Variants in C13orf46 observed in about 807,000 individuals in gnomAD.
The protein encoded by C13orf46 is chromosome 13 open reading frame 46.
chr13:113,969,711 G>A (rs975445440), intron 2 of C13orf46, among the ~76,000 whole-genome samples: 4 of 152,204 alleles, frequency 2.6e-5, no homozygotes, highest in Admixed American at 2.0e-4. Flanking sequence ...AGAACGGGAC[G>A]CGAGGTGCAG....
chr13:113,961,489 T>TTTTTTTTTTTTTTTTTTTTTTGACGGA, intron 6 of C13orf46, among the ~76,000 whole-genome samples: 1 of 151,266 alleles, frequency 6.6e-6, no homozygotes, highest in South Asian at 2.1e-4. Context: ...ACTGTTTTCT[T>TTTTTTTTTTTTTTTTTTTTTTGACGGA]GTTGGTTAGA....
chr13:113,931,089 G>A, the C13orf46 span, among the ~76,000 whole-genome samples: 32 of 152,188 alleles, frequency 2.1e-4, no homozygotes, highest in Non-Finnish European at 4.3e-4. Context: ...GACATGCCAC[G>A]TGTGCAACAA....
the C13orf46 span, chr13:113,927,326 C>T: frequency 2.6e-6 from 1 of 388,750 alleles, no homozygotes; most frequent in Non-Finnish European, 4.5e-6. Context: ...ACGCTGCCAC[C>T]AGGCCTGTGA....
the C13orf46 span, among the ~76,000 whole-genome samples, chr13:113,943,402 T>C: frequency 2.0e-5 from 3 of 152,204 alleles, no homozygotes; most frequent in Non-Finnish European, 4.4e-5. Flanking sequence ...ATTTAAAAAC[T>C]TTCCGGTGGA....
In C13orf46 at chr13:113,955,834, G is replaced by A. The variant is rs1268969427; in HGVS notation, c.*939C>T. 45 of 163,402 alleles carry A rather than the reference G, an allele frequency of 2.8e-4. No individual in the cohort carries two copies. The highest frequency in any genetic ancestry group is 2.3e-3 in the East Asian group (12 of 5,236). The allele number at this position is 163,402 out of a possible 1,614,324, so 10.1% of individuals were successfully genotyped here. ...GAGACGAGGAGCAGCCGGTGGAGAC[G>A]AGGAGCATCTCGAGGAGAGGAGGAG... On this transcript the variant is annotated 3_prime_UTR_variant, in exon 7 of 7. Transcript: ENST00000636427.
At chr13:113,950,222 G>A (rs1305809195), downstream of C13orf46, among the ~76,000 whole-genome samples, 15 of 127,226 alleles carry the variant, frequency 1.2e-4, no homozygotes, top group Middle Eastern at 7.7e-3. Context: ...TGGGAACCTC[G>A]GTGCTCCCAT....
the C13orf46 span, among the ~76,000 whole-genome samples, chr13:113,933,609 G>GA: frequency 6.6e-6 from 1 of 152,160 alleles, no homozygotes; most frequent in Non-Finnish European, 1.5e-5. Context: ...CATCTTCCAT[G>GA]AACATGCTAT....
intron 5 of C13orf46, among the ~76,000 whole-genome samples, chr13:113,966,068 T>C (rs1170486620): frequency 2.6e-5 from 3 of 115,020 alleles, no homozygotes; most frequent in African/African-American, 5.4e-5. Flanking sequence ...ATGGGAATGA[T>C]GGTGGTGATG....
chr13:113,941,963 G>A, the C13orf46 span, among the ~76,000 whole-genome samples: 1 of 152,228 alleles, frequency 6.6e-6, no homozygotes, highest in Non-Finnish European at 1.5e-5. Context: ...TCCAGAGCAG[G>A]GAAGTTTGCA....
intron 6 of C13orf46, among the ~76,000 whole-genome samples, chr13:113,958,496 A>T (rs2052560646): frequency 6.6e-6 from 1 of 152,192 alleles, no homozygotes; most frequent in Non-Finnish European, 1.5e-5. Flanking sequence ...TTTCCTGCAC[A>T]CGACGTCTGC....
At chr13:113,965,749 A>ATGATGATGG (rs2052631881) in intron 5 of C13orf46, among the ~76,000 whole-genome samples, 3 of 78,326 alleles carry the variant, frequency 3.8e-5, no homozygotes, top group African/African-American at 2.1e-4. Flanking sequence ...GATGATGGTG[A>ATGATGATGG]TGATGGTGAT....
At chr13:113,972,012 C>T (rs948517678) in intron 1 of C13orf46, among the ~76,000 whole-genome samples, 1 of 152,144 alleles carries the variant, frequency 6.6e-6, no homozygotes, top group Non-Finnish European at 1.5e-5. Flanking sequence ...CCAGACAGGA[C>T]AAGCGGCCAC....
intron 6 of C13orf46, among the ~76,000 whole-genome samples, chr13:113,957,457 C>T (rs2052547052): frequency 1.4e-5 from 2 of 144,522 alleles, no homozygotes; most frequent in African/African-American, 2.6e-5. Context: ...TCTGCCTGCA[C>T]CCCCTTTCAT....
chr13:113,964,805 G>T (rs1249505057), intron 6 of C13orf46, 122 bp downstream of exon 6: 6 of 152,248 alleles, frequency 3.9e-5, no homozygotes, highest in African/African-American at 1.4e-4. Context: ...CCAGGGAGAA[G>T]GGGGGACCGC....
chr13:113,951,397 C>T (rs1433673448), downstream of C13orf46, among the ~76,000 whole-genome samples: 2 of 152,174 alleles, frequency 1.3e-5, no homozygotes, highest in Non-Finnish European at 2.9e-5. Flanking sequence ...CGCCCGACGT[C>T]CCTTCGTGGA....
At chr13:113,935,464 T>C in the C13orf46 span, among the ~76,000 whole-genome samples, 1 of 152,396 alleles carries the variant, frequency 6.6e-6, no homozygotes, top group Admixed American at 6.5e-5. Context: ...GGGTAGCTGC[T>C]GCGGGGCTGA....
intron 6 of C13orf46, among the ~76,000 whole-genome samples, chr13:113,962,257 C>T (rs982564124): frequency 6.6e-6 from 1 of 152,144 alleles, no homozygotes. Flanking sequence ...CAAAAAAAAT[C>T]TAGCTGGGCG....
intron 6 of C13orf46, among the ~76,000 whole-genome samples, chr13:113,960,482 T>C (rs2052578626): frequency 6.6e-6 from 1 of 152,214 alleles, no homozygotes; most frequent in South Asian, 2.1e-4. Context: ...AGGTCGTGCG[T>C]GGCTGCCTCA....
chr13:113,934,222 G>A, the C13orf46 span, among the ~76,000 whole-genome samples: 22 of 152,342 alleles, frequency 1.4e-4, no homozygotes, highest in African/African-American at 4.8e-4. Flanking sequence ...ACCACGATGC[G>A]TCGGACACGC....
Sources: gnomAD v4.1 joint callset for allele counts (sites outside exome capture counted in the v4.1 genomes callset) on GRCh38, gnomAD v4.1.1 for gene constraint, MANE v1.5 for transcripts, NCBI Gene and HGNC (gene_info 2026-07-23, HGNC 2026-07-21) for gene names.